ARL15: variants seen among roughly 807,000 people sequenced by gnomAD.
ARL15 encodes the protein ADP-ribosylation factor-like protein 15.
ARL15 carries 19 observed loss-of-function variants against 25.2 expected under a neutral mutation model. The observed-to-expected ratio is 0.75, with a 90% CI of 0.53 to 1.10. The LOEUF (loss-of-function observed/expected upper bound fraction) is 1.10. Among genes scored for constraint, ARL15 ranks in the 50% least tolerant of loss-of-function variants. ARL15 has a pLI of 0.00. For missense variants in ARL15, 220 were observed against 246.0 expected (o/e 0.89, Z 0.71); for synonymous variants, 94 against 86.8 (o/e 1.08, Z -0.46).
chr5:54,302,683 A>ATTT (rs372704359), intron 1 of ARL15, among the ~76,000 whole-genome samples: 3,253 of 77,764 alleles, frequency 0.042, 419 homozygotes, highest in East Asian at 0.054. Context: ...TAAAATTAAG[A>ATTT]TTTTTTTTTT....
At chr5:53,938,380 T>C (rs1264258257) in intron 4 of ARL15, among the ~76,000 whole-genome samples, 1 of 152,222 alleles carries the variant, frequency 6.6e-6, no homozygotes, top group Non-Finnish European at 1.5e-5. Context: ...TGGATAAATA[T>C]TTTTACTTTC....
chr5:54,221,862 CACACACACAA>C (rs1474887724), intron 1 of ARL15, among the ~76,000 whole-genome samples: 2 of 147,882 alleles, frequency 1.4e-5, no homozygotes, highest in Non-Finnish European at 3.0e-5. Context: ...CACACACACA[CACACACACAA>C]AACCCTCATG....
At chr5:54,083,517 T>C (rs1351894630) in intron 4 of ARL15, among the ~76,000 whole-genome samples, 1 of 152,206 alleles carries the variant, frequency 6.6e-6, no homozygotes, top group East Asian at 1.9e-4. Flanking sequence ...TTAAATGTGA[T>C]ATATACTGTT....
intron 1 of ARL15, among the ~76,000 whole-genome samples, chr5:54,278,808 C>T (rs940417874): frequency 4.6e-5 from 7 of 152,168 alleles, no homozygotes; most frequent in Non-Finnish European, 1.0e-4. Context: ...TACTCCAAAC[C>T]TCAGTGGGAA....
rs1316242435 is a variant in ARL15 at position 53,902,033 on chromosome 5, A to G, written c.463-15320T>C. Among the ~76,000 whole-genome samples, 4 of 152,222 alleles carry G rather than the reference A, an allele frequency of 2.6e-5. No individual in the cohort carries two copies. The South Asian group carries it at 6.2e-4, about 24-fold the overall frequency. On this transcript the variant is annotated intron_variant, in intron 4 of 4. Transcript: ENST00000504924. ...CAACATTTGCCTCAGAGTGAACATCAAATTTCATCCCTCTAAGACCTTACA... is the reference window on the plus strand; with the variant it reads ...CAACATTTGCCTCAGAGTGAACATCGAATTTCATCCCTCTAAGACCTTACA...
chr5:54,301,540 A>T (rs765054891), intron 1 of ARL15, among the ~76,000 whole-genome samples: 27 of 152,338 alleles, frequency 1.8e-4, no homozygotes, highest in Non-Finnish European at 2.9e-4. Flanking sequence ...TCAGGAAGGC[A>T]GGTACACAGA....
intron 1 of ARL15, among the ~76,000 whole-genome samples, chr5:54,192,043 T>C (rs780717449): frequency 2.0e-5 from 3 of 152,188 alleles, no homozygotes; most frequent in East Asian, 1.9e-4. Flanking sequence ...CCAAGCAACC[T>C]GGCCTTCTTG....
chr5:53,935,442 G>A (rs1337650946), intron 4 of ARL15, among the ~76,000 whole-genome samples: 1 of 152,178 alleles, frequency 6.6e-6, no homozygotes, highest in Non-Finnish European at 1.5e-5. Flanking sequence ...GTCCTCTTTA[G>A]AGGTGTCTAG....
At chr5:54,208,172 C>T (rs1579912039) in intron 1 of ARL15, among the ~76,000 whole-genome samples, 1 of 152,146 alleles carries the variant, frequency 6.6e-6, no homozygotes, top group East Asian at 1.9e-4. Flanking sequence ...GATAAAACAG[C>T]CAAATACCCA....
At position 54,266,905 on chromosome 5, in the gene ARL15, G is replaced by A. The variant is rs1164056059; in HGVS notation, c.48+43527C>T. 4.6e-5 allele frequency among the ~76,000 whole-genome samples: 7 copies of A among 152,224 alleles called. No individual in the cohort carries two copies. The South Asian group carries it at 8.3e-4, about 18-fold the overall frequency. On this transcript the variant is annotated intron_variant, in intron 1 of 4. Coordinates refer to ENST00000504924, the MANE Select transcript of ARL15 (RefSeq NM_019087.3). Reference sequence around the variant, plus strand: ...TACTAACAATAAAATGCACACACACGTGAGAAGCAAAAAATAATTGGCTCT... The same window carrying A: ...TACTAACAATAAAATGCACACACACATGAGAAGCAAAAAATAATTGGCTCT...
intron 4 of ARL15, among the ~76,000 whole-genome samples, chr5:54,000,904 A>C (rs900106307): frequency 2.0e-5 from 3 of 152,172 alleles, no homozygotes; most frequent in Non-Finnish European, 4.4e-5. Context: ...GCCACTGTGC[A>C]GTCGCCTAAG....
At chr5:54,159,657 C>T (rs1207412782) in intron 2 of ARL15, among the ~76,000 whole-genome samples, 1 of 152,154 alleles carries the variant, frequency 6.6e-6, no homozygotes, top group African/African-American at 2.4e-5. Context: ...ATGGCTGAAG[C>T]CTAAGTTACG....
intron 3 of ARL15, among the ~76,000 whole-genome samples, chr5:54,136,596 A>C (rs967802170): frequency 6.6e-6 from 1 of 152,358 alleles, no homozygotes; most frequent in African/African-American, 2.4e-5. Flanking sequence ...CATTAAAAGA[A>C]GAATCTGGAG....
chr5:54,289,260 C>T (rs978784282), intron 1 of ARL15, among the ~76,000 whole-genome samples: 1 of 151,652 alleles, frequency 6.6e-6, no homozygotes, highest in East Asian at 1.9e-4. Context: ...GGGGACGGAA[C>T]AGTGAGAGCA....
intron 1 of ARL15, among the ~76,000 whole-genome samples, chr5:54,220,279 A>G (rs1165360715): frequency 6.6e-6 from 1 of 152,214 alleles, no homozygotes; most frequent in Non-Finnish European, 1.5e-5. Context: ...TTGACCTAGC[A>G]TATGAACGTG....
chr5:54,076,217 C>T (rs1751596913), intron 4 of ARL15, among the ~76,000 whole-genome samples: 2 of 151,678 alleles, frequency 1.3e-5, no homozygotes, highest in South Asian at 4.2e-4. Context: ...GAGATCGAGA[C>T]CATCCTGGCT....
At chr5:54,238,211 T>C (rs1388446956) in intron 1 of ARL15, among the ~76,000 whole-genome samples, 2 of 152,076 alleles carry the variant, frequency 1.3e-5, no homozygotes, top group African/African-American at 4.8e-5. Context: ...GTCACTTAAT[T>C]TTTCATGCCA....
At chr5:54,173,845 A>G (rs887251028) in intron 1 of ARL15, among the ~76,000 whole-genome samples, 3 of 151,414 alleles carry the variant, frequency 2.0e-5, no homozygotes, top group African/African-American at 7.3e-5. Context: ...CACCAGCCTC[A>G]TTGCCCTCAC....
At chr5:54,258,456 G>A (rs1356994970) in intron 1 of ARL15, among the ~76,000 whole-genome samples, 1 of 152,156 alleles carries the variant, frequency 6.6e-6, no homozygotes, top group Non-Finnish European at 1.5e-5. Context: ...GAGATTCATA[G>A]AGAAAAATCA....
Sources: gnomAD v4.1 joint callset for allele counts (sites outside exome capture counted in the v4.1 genomes callset) on GRCh38, gnomAD v4.1.1 for gene constraint, MANE v1.5 for transcripts, NCBI Gene and HGNC (gene_info 2026-07-23, HGNC 2026-07-21) for gene names.